Variants in S100PBP observed in about 807,000 individuals in gnomAD.
S100PBP encodes the protein S100P-binding protein.
A neutral mutation model predicts 39.9 loss-of-function variants in S100PBP; 15 were observed. The ratio of observed to expected loss-of-function variants is 0.38; its 90% CI spans 0.25 to 0.58. The LOEUF is 0.58. S100PBP is among the 20% of genes least tolerant of loss of function. The probability of loss-of-function intolerance (pLI) is 0.70; values close to 1 mark genes in which losing one functional copy is unlikely to be tolerated. For synonymous variants in S100PBP, 178 were observed against 180.3 expected (o/e 0.99, Z 0.10); for missense variants, 504 against 487.3 (o/e 1.03, Z -0.32).
chr1:32,819,250 C>A (rs1282367528), intron 1 of S100PBP, among the ~76,000 whole-genome samples: 2 of 152,048 alleles, frequency 1.3e-5, no homozygotes, highest in Admixed American at 1.3e-4. Context: ...ATTAGAAGAT[C>A]GGAAAAATAT....
intron 5 of S100PBP, among the ~76,000 whole-genome samples, chr1:32,851,300 A>G (rs1158987106): frequency 1.3e-5 from 2 of 152,236 alleles, no homozygotes; most frequent in Non-Finnish European, 2.9e-5. Context: ...TCCCGAAAGC[A>G]CAGTAGATAA....
chr1:32,825,789 T>C (rs1244995469), intron 2 of S100PBP, among the ~76,000 whole-genome samples: 10 of 152,242 alleles, frequency 6.6e-5, no homozygotes, highest in Non-Finnish European at 1.2e-4. Context: ...GTCAAATTAC[T>C]CTTCACAAAA....
At chr1:32,833,700 C>T (rs996552560) in intron 5 of S100PBP, among the ~76,000 whole-genome samples, 9 of 152,020 alleles carry the variant, frequency 5.9e-5, no homozygotes. Flanking sequence ...ATGATTCTCT[C>T]TCCTACAAAG....
chr1:32,822,473 C>G (rs1054724745), intron 1 of S100PBP, among the ~76,000 whole-genome samples: 3 of 151,644 alleles, frequency 2.0e-5, no homozygotes, highest in African/African-American at 7.3e-5. Flanking sequence ...ATTAGCCAGG[C>G]GTGGTGGCGG....
Position 32,826,757 on chromosome 1 carries a change from C to A in S100PBP, c.658C>A (p.Gln220Lys). The change falls in exon 3 of 7, where the codon CAA becomes AAA. Residue 220 changes from glutamine to lysine, a missense_variant. Physicochemically the swap from Gln to Lys is moderately conservative, Grantham distance 53. Coordinates refer to ENST00000373475, the MANE Select transcript of S100PBP (RefSeq NM_022753.4). ...GCTCTCTTCTTCAAACAATAACTTTCAACAGACTGTCTCTGATAAAAATAT... is the reference window on the plus strand; with the variant it reads ...GCTCTCTTCTTCAAACAATAACTTTAAACAGACTGTCTCTGATAAAAATAT... ...PQLSSSNNNF[Q>K]QTVSDKNMPD... 3.1e-6 allele frequency: 5 copies of A among 1,614,100 alleles called. No homozygotes were observed. Among genetic ancestry groups the A allele is most frequent in the Non-Finnish European group, 4.2e-6 (5 of 1,179,996 alleles).
At chr1:32,848,166 G>T (rs959835115) in intron 5 of S100PBP, among the ~76,000 whole-genome samples, 1 of 152,118 alleles carries the variant, frequency 6.6e-6, no homozygotes, top group Non-Finnish European at 1.5e-5. Flanking sequence ...AATTAGCCGA[G>T]TATGGTGGCG....
chr1:32,825,128 TA>T (rs1368917585), intron 1 of S100PBP, 184 bp from the exon 2 acceptor site: 1 of 152,168 alleles, frequency 6.6e-6, no homozygotes, highest in Non-Finnish European at 1.5e-5. Flanking sequence ...CTTAGTTGCA[TA>T]ATTTTTTTTT....
In S100PBP at chr1:32,826,705, C is replaced by T. The variant is rs202101652; in HGVS notation, c.606C>T (p.Pro202=). 9.3e-6 allele frequency: 15 copies of T among 1,614,116 alleles called. No individual in the cohort carries two copies. Among genetic ancestry groups the T allele is most frequent in the Non-Finnish European group, 1.2e-5 (14 of 1,180,010 alleles). Residue 202 remains proline, a synonymous_variant, in exon 3 of 7, where the codon CCC becomes CCT. Coordinates refer to ENST00000373475, the MANE Select transcript of S100PBP (RefSeq NM_022753.4). ...GTACTGAATCTGAAGGGATCAGCCC[C>T]AATAACTCTGCCTGGAATGGGCCCC... The part of the protein sequence containing the change: ...KLCTESEGIS[P]NNSAWNGPQL...
chr1:32,847,255 TC>T (rs1243466390), intron 5 of S100PBP: 1 of 152,242 alleles, frequency 6.6e-6, no homozygotes, highest in Non-Finnish European at 1.5e-5. Context: ...GTAGTGCACA[TC>T]TACTGATGAA....
In S100PBP at chr1:32,827,783, GTT is replaced by G. The variant is rs35149609; in HGVS notation, c.832-187_832-186del. ...GGCATGAGCCACTACACCTGGCCAG[GTT>G]TTTTTTTTTTTTTTTTTTTTTTAAG... is the stretch of plus-strand genomic sequence containing the variant. On this transcript the variant is annotated intron_variant, in intron 3 of 6. Coordinates refer to ENST00000373475, the MANE Select transcript of S100PBP (RefSeq NM_022753.4). Among the ~76,000 whole-genome samples the G allele has an allele frequency of 5.6e-3, 725 of 130,410 alleles. 29 individuals carry two copies. Among genetic ancestry groups the G allele is most frequent in the African/African-American group, 0.012 (426 of 34,958 alleles). 85.6% of individuals were successfully genotyped at this position (130,410 alleles called of 152,430 possible).
chr1:32,843,575 T>C (rs1330646001), intron 5 of S100PBP, among the ~76,000 whole-genome samples: 1 of 152,120 alleles, frequency 6.6e-6, no homozygotes, highest in Non-Finnish European at 1.5e-5. Flanking sequence ...TCCTTCAGCC[T>C]CCTGAATAGC....
intron 5 of S100PBP, chr1:32,835,719 A>C (rs190237851): frequency 6.6e-6 from 1 of 152,192 alleles, no homozygotes; most frequent in Non-Finnish European, 1.5e-5. Flanking sequence ...CCATTGTGGC[A>C]TGTGACAGGA....
intron 5 of S100PBP, among the ~76,000 whole-genome samples, chr1:32,831,079 C>CAAAA (rs35054997): frequency 6.9e-6 from 1 of 144,984 alleles, no homozygotes; most frequent in African/African-American, 2.5e-5. Context: ...GACTCTGTCT[C>CAAAA]AAAAAAAAAA....
At chr1:32,841,973 C>T (rs114459655) in intron 5 of S100PBP, among the ~76,000 whole-genome samples, 2,624 of 149,672 alleles carry the variant, frequency 0.018, 84 homozygotes, top group African/African-American at 0.061. Context: ...TTGCTTGAGC[C>T]CAAGAGTTTG....
chr1:32,841,427 C>T (rs1428246178), intron 5 of S100PBP, among the ~76,000 whole-genome samples: 1 of 151,506 alleles, frequency 6.6e-6, no homozygotes, highest in Non-Finnish European at 1.5e-5. Context: ...TAAGTTTAAT[C>T]AGGTTTTTAA....
At chr1:32,840,439 T>TC (rs1268334714) in intron 5 of S100PBP, among the ~76,000 whole-genome samples, 2 of 151,974 alleles carry the variant, frequency 1.3e-5, no homozygotes, top group Non-Finnish European at 2.9e-5. Context: ...CGCTACAACC[T>TC]CCCCCTCCTG....
At position 32,855,941 on chromosome 1, in the gene S100PBP, A is replaced by G. The variant is rs1210059838; in HGVS notation, c.1130A>G (p.Gln377Arg). Residue 377 changes from glutamine to arginine, a missense_variant, in exon 7 of 7, where the codon CAG (glutamine) becomes CGG (arginine). Coordinates refer to ENST00000373475, the MANE Select transcript of S100PBP (RefSeq NM_022753.4). Reference sequence around the variant, plus strand: ...CTCGATAGAAACTACGCCCGCCGACAGAAACATCTGCAAAGATACAGTCTG... The same window carrying G: ...CTCGATAGAAACTACGCCCGCCGACGGAAACATCTGCAAAGATACAGTCTG... ...DLTTRNYARR[Q>R]KHLQRYSLTQ... 3.7e-6 allele frequency: 6 copies of G among 1,613,220 alleles called. No homozygotes were observed. The African/African-American group carries it at 6.7e-5, about 18-fold the overall frequency.
intron 1 of S100PBP, 68 bp from the exon 2 acceptor site, chr1:32,825,245 C>G (rs907818399): frequency 2.0e-5 from 3 of 152,112 alleles, no homozygotes; most frequent in Admixed American, 2.0e-4. Flanking sequence ...AAGCATAATA[C>G]AGTTGACTTT....
rs1046315 is a variant in S100PBP at position 32,858,490 on chromosome 1, G to A, written c.*2452G>A. On this transcript the variant is annotated 3_prime_UTR_variant, in exon 7 of 7. Coordinates refer to ENST00000373475, the MANE Select transcript of S100PBP (RefSeq NM_022753.4). ...CATGTTCGCCTTAAAGATGGTACTG[G>A]GTAGAATCTGGAGTTTTCATCTCTT... The A allele has an allele frequency of 0.062, 9,399 of 152,576 alleles. 361 individuals carry two copies. Among genetic ancestry groups the A allele is most frequent in the Middle Eastern group, 0.13 (37 of 294 alleles). The allele number at this position is 152,576 out of a possible 1,614,324, so 9.5% of individuals were successfully genotyped here. A position where few individuals can be genotyped will look rare whatever the true frequency, so the allele number is the denominator to read the frequency against.
Sources: allele counts gnomAD v4.1 joint callset (sites outside exome capture counted in the v4.1 genomes callset), GRCh38; gene constraint gnomAD v4.1.1; transcripts MANE v1.5; gene names NCBI Gene and HGNC (gene_info 2026-07-23, HGNC 2026-07-21).